The following SEMA4C variants were observed in gnomAD, a reference collection of about 807,000 sequenced individuals.
The protein encoded by SEMA4C is semaphorin 4C.
Under a neutral mutation model 89.0 loss-of-function variants are expected in SEMA4C, and 19 were observed. The observed-to-expected ratio is 0.21, with a 90% CI of 0.15 to 0.31. The LOEUF (loss-of-function observed/expected upper bound fraction) is 0.31, where lower values mean the gene tolerates loss of function less well. Ranked by LOEUF, SEMA4C falls within the 10% of genes least tolerant of loss-of-function variation. The probability of loss-of-function intolerance (pLI) is 1.00; values close to 1 mark genes in which losing one functional copy is unlikely to be tolerated. For missense variants in SEMA4C, 811 were observed against 1,107.0 expected (o/e 0.73, Z 3.79); for synonymous variants, 428 against 472.7 (o/e 0.91, Z 1.23).
In SEMA4C at chr2:96,868,916, G is replaced by A. The variant is rs567528870; in HGVS notation, c.-38+960C>T. On this transcript the variant is annotated intron_variant, in intron 1 of 14. Transcript: ENST00000305476. ...AGCGGGATTGGCTTCCCCTGCTCCA[G>A]CCTTCCCGTGCCAGGGGCGGAGACG... 1.0e-4 allele frequency: 101 copies of A among 985,404 alleles called. No homozygotes were observed. The African/African-American group carries it at 1.7e-3, about 16-fold the overall frequency. 61.0% of individuals were successfully genotyped at this position (985,404 alleles called of 1,614,324 possible).
At chr2:96,869,741 G>T in intron 1 of SEMA4C, 135 bp downstream of exon 1, 1 of 985,360 alleles carries the variant, frequency 1.0e-6, no homozygotes, top group South Asian at 4.7e-5. Flanking sequence ...GCGTACAGCC[G>T]TCTCCGCCGC....
chr2:96,865,785 G>GGGCAGTGGGAGGCA, intron 4 of SEMA4C, 21 bp from the exon 5 acceptor site: 1 of 1,613,856 alleles, frequency 6.2e-7, no homozygotes, highest in Non-Finnish European at 8.5e-7. Flanking sequence ...AAAGGTGTCC[G>GGGCAGTGGGAGGCA]GTTAGTGAGA....
At chr2:96,863,220 CA>C (rs929688094) in intron 12 of SEMA4C, 3 of 990,386 alleles carry the variant, frequency 3.0e-6, no homozygotes, top group Non-Finnish European at 3.6e-6. Context: ...AAAAAAAAAC[CA>C]AAAAGAGTAT....
intron 3 of SEMA4C, 78 bp downstream of exon 3, chr2:96,866,205 G>T: frequency 6.6e-7 from 1 of 1,520,306 alleles, no homozygotes; most frequent in Non-Finnish European, 8.8e-7. Flanking sequence ...CAGGCTGAGG[G>T]ACCACCTAGC....
chr2:96,861,478 G>T lies in SEMA4C; in HGVS notation c.1673-23C>A, dbSNP rs190842501. 150 of 1,611,208 alleles carry T rather than the reference G, an allele frequency of 9.3e-5. No homozygotes were observed. The highest frequency in any genetic ancestry group is 1.7e-4 in the Admixed American group (10 of 59,982). On this transcript the variant is annotated intron_variant, in intron 14 of 14. Coordinates refer to ENST00000305476, the MANE Select transcript of SEMA4C (RefSeq NM_017789.5). The surrounding 1 kb of genome is among the most constrained non-coding windows in gnomAD (Gnocchi z 7.8). Reference sequence around the variant, plus strand: ...TGACTGTAGTGGCAGAGAAAACAGAGTGCATGTTAGTGCAGGAAAGCAGGG... The same window carrying T: ...TGACTGTAGTGGCAGAGAAAACAGATTGCATGTTAGTGCAGGAAAGCAGGG...
chr2:96,866,021 C>G (rs186383117), intron 3 of SEMA4C, 92 bp from the exon 4 acceptor site: 2 of 1,343,094 alleles, frequency 1.5e-6, no homozygotes, highest in African/African-American at 2.9e-5. Context: ...CAGGGACGCC[C>G]AGTGCAGAGG....
chr2:96,870,116 C>A, upstream of SEMA4C: 1 of 969,418 alleles, frequency 1.0e-6, no homozygotes, highest in Non-Finnish European at 1.2e-6. Context: ...TTCCCCTTGA[C>A]GTCAGGCTGG....
At chr2:96,862,999 C>T (rs1273700420) in intron 12 of SEMA4C, 1 of 153,758 alleles carries the variant, frequency 6.5e-6, no homozygotes, top group African/African-American at 2.4e-5. Flanking sequence ...CCACCGCACT[C>T]CAGCCTGGGC....
At position 96,864,620 on chromosome 2, in the gene SEMA4C, G is replaced by A. The variant is rs923504096; in HGVS notation, c.962+85C>T. 6.7e-7 allele frequency: 1 copy of A among 1,492,410 alleles called. No homozygotes were observed. Among genetic ancestry groups the A allele is most frequent in the Admixed American group, 2.0e-5 (1 of 49,062 alleles). The allele number at this position is 1,492,410 out of a possible 1,614,324, so 92.4% of individuals were successfully genotyped here. On this transcript the variant is annotated intron_variant, in intron 9 of 14. Coordinates refer to ENST00000305476, the MANE Select transcript of SEMA4C (RefSeq NM_017789.5). This position sits in a 1 kb window ranked among gnomAD's most constrained non-coding sequence, Gnocchi z 6.3. The stretch of plus-strand genomic sequence containing the variant: ...ACCTGGCTTCCGGGACTGCCTCTGA[G>A]GCCTGGTCCAGGCTCCCACCCATGC...
At chr2:96,866,804 T>C in intron 2 of SEMA4C, 1 of 379,964 alleles carries the variant, frequency 2.6e-6, no homozygotes, top group South Asian at 2.0e-5. Flanking sequence ...TTCTTTGCCC[T>C]GCTGCCCACT....
In SEMA4C at chr2:96,860,422, T is replaced by C; in HGVS notation, c.*204A>G. ...ATTCACAGAGAGGAGGAAGATGCCT[T>C]CTGCGAGGCTGGTGCCCTGGTGAGC... On this transcript the variant is annotated 3_prime_UTR_variant, in exon 15 of 15. Transcript: ENST00000305476. 1.9e-6 allele frequency: 1 copy of C among 538,354 alleles called. No homozygotes were observed. The highest frequency in any genetic ancestry group is 3.2e-6 in the Non-Finnish European group (1 of 308,638). The allele number at this position is 538,354 out of a possible 1,614,324, so 33.3% of individuals were successfully genotyped here.
At position 96,864,875 on chromosome 2, in the gene SEMA4C, A is replaced by G; in HGVS notation, c.792T>C (p.Asp264=). 1 of 1,612,874 alleles carries G rather than the reference A, an allele frequency of 6.2e-7. No individual in the cohort carries two copies. The highest frequency in any genetic ancestry group is 8.5e-7 in the Non-Finnish European group (1 of 1,179,558). The part of the protein sequence containing the change: ...VARVARVCKG[D]MGGARTLQRK... The stretch of plus-strand genomic sequence containing the variant: ...TCTGCAGGGTCCGTGCGCCCCCCAT[A>G]TCGCCCTGGCAGACGGCAAGGGGAC... The change falls in exon 9 of 15, where the codon GAT becomes GAC. Residue 264 remains aspartate (D), a synonymous_variant. Coordinates refer to ENST00000305476, the MANE Select transcript of SEMA4C (RefSeq NM_017789.5). The surrounding 1 kb of genome is among the most constrained non-coding windows in gnomAD (Gnocchi z 6.3).
chr2:96,870,349 G>C (rs903915674), upstream of SEMA4C: 12 of 980,792 alleles, frequency 1.2e-5, no homozygotes, highest in Middle Eastern at 5.2e-4. Flanking sequence ...GAGGGACTCC[G>C]GGTATGGCCA....
chr2:96,863,989 G>T lies in SEMA4C; in HGVS notation c.1267C>A (p.Leu423Met), dbSNP rs1390229303. 6.2e-7 allele frequency: 1 copy of T among 1,613,472 alleles called. No homozygotes were observed. The highest frequency in any genetic ancestry group is 8.5e-7 in the Non-Finnish European group (1 of 1,180,016). The stretch of plus-strand genomic sequence containing the variant: ...AGTCCTGTAACCCGGTCGGCCACCA[G>T]GTGGGTGAAGTTGGTGCCCTTCTTC... ...LVKKGTNFTH[L>M]VADRVTGLDG... The change falls in exon 11 of 15, where the codon CTG (leucine) becomes ATG (methionine). Residue 423 changes from leucine (L) to methionine (M), a missense_variant. Coordinates refer to ENST00000305476, the MANE Select transcript of SEMA4C (RefSeq NM_017789.5).
At chr2:96,866,785 G>C in intron 2 of SEMA4C, 1 of 401,568 alleles carries the variant, frequency 2.5e-6, no homozygotes, top group South Asian at 2.0e-5. Context: ...TTCCTCGGCG[G>C]CTGCTTCCTT....
In SEMA4C at chr2:96,865,676, C is replaced by T. The variant is rs769444313; in HGVS notation, c.410G>A (p.Cys137Tyr). ...VCGTYAFQPK[C>Y]TYVNMLTFTL... ...GAGGGCAGCACTCACGACGTAGGTG[C>T]ACTTGGGCTGGAAGGCGTAGGTGCC... Residue 137 changes from cysteine (C) to tyrosine (Y), a missense_variant, in exon 5 of 15, where the codon TGC (cysteine) becomes TAC (tyrosine). By Grantham distance (194) the Cys-to-Tyr change is radical (BLOSUM62 -2). This residue lies in a region of SEMA4C where 441 missense variants were observed against 664.9 expected (regional missense o/e 0.66). Transcript: ENST00000305476. 1 of 1,614,054 alleles carries T rather than the reference C, an allele frequency of 6.2e-7. No individual in the cohort carries two copies. Among genetic ancestry groups the T allele is most frequent in the Non-Finnish European group, 8.5e-7 (1 of 1,179,972 alleles).
At chr2:96,863,493 A>G (rs2079999261) in intron 12 of SEMA4C, 189 bp downstream of exon 12, 1 of 896,440 alleles carries the variant, frequency 1.1e-6, no homozygotes, top group Non-Finnish European at 1.3e-6. Flanking sequence ...TGCAGTGCAG[A>G]TTCCATTCTG....
chr2:96,867,454 G>C (rs991942402), intron 2 of SEMA4C, among the ~76,000 whole-genome samples: 1 of 152,216 alleles, frequency 6.6e-6, no homozygotes, highest in Non-Finnish European at 1.5e-5. Context: ...GGAGCCAGGG[G>C]AGAGAGCCTC....
rs908999601 is a variant in SEMA4C, at chr2:96,870,035, G to T, written c.-197C>A. ...GTCCCCGCCCGGCTCCGCGCCCCTA[G>T]GCTCGGGCTCCCCGCGCCACCACGG... On this transcript the variant is annotated 5_prime_UTR_variant, in exon 1 of 15. Transcript: ENST00000305476. The T allele has an allele frequency of 1.0e-5, 10 of 983,466 alleles. No homozygotes were observed. The South Asian group carries it at 4.1e-4, about 40-fold the overall frequency. 60.9% of individuals were successfully genotyped at this position (983,466 alleles called of 1,614,324 possible). A position where few individuals can be genotyped will look rare whatever the true frequency, so the allele number is the denominator to read the frequency against.
Sources: allele counts gnomAD v4.1 joint callset (sites outside exome capture counted in the v4.1 genomes callset), GRCh38; gene constraint gnomAD v4.1.1; regional missense constraint gnomAD v4.1.1; non-coding constraint Gnocchi (gnomAD v3.1); transcripts MANE v1.5; gene names NCBI Gene and HGNC (gene_info 2026-07-23, HGNC 2026-07-21).